The following RBFOX1 variants were observed in gnomAD, a reference collection of about 807,000 sequenced individuals.
The protein encoded by RBFOX1 is RNA binding fox-1 homolog 1.
A neutral mutation model predicts 57.7 loss-of-function variants in RBFOX1; 8 were observed. That is an observed-to-expected ratio of 0.14 (90% CI 0.08 to 0.25). The LOEUF (loss-of-function observed/expected upper bound fraction) is 0.25. RBFOX1 is among the 10% of genes least tolerant of loss of function. RBFOX1 has a pLI of 1.00. For synonymous variants in RBFOX1, 326 were observed against 222.4 expected, an observed-to-expected ratio of 1.47 and a Z score of -4.15; for missense variants, 611 against 548.5, an observed-to-expected ratio of 1.11 and a Z score of -1.14.
At chr16:7,270,976 A>G (rs928127184) in intron 4 of RBFOX1, among the ~76,000 whole-genome samples, 22 of 152,174 alleles carry the variant, frequency 1.4e-4, no homozygotes, top group African/African-American at 5.3e-4. Flanking sequence ...CATTTGGAAG[A>G]CACACATGTG....
At chr16:7,002,927 G>A (rs1028839085) in intron 3 of RBFOX1, among the ~76,000 whole-genome samples, 1 of 151,866 alleles carries the variant, frequency 6.6e-6, no homozygotes, top group Non-Finnish European at 1.5e-5. Context: ...AACTTAGGAA[G>A]TTAGAAAGTG....
intron 1 of RBFOX1, among the ~76,000 whole-genome samples, chr16:5,335,785 C>T (rs186403026): frequency 1.4e-4 from 22 of 152,220 alleles, no homozygotes; most frequent in Non-Finnish European, 8.8e-5. Context: ...CCTGGTACCT[C>T]GTGGGTGTTC....
intron 2 of RBFOX1, among the ~76,000 whole-genome samples, chr16:6,498,921 A>C (rs1379521318): frequency 6.6e-6 from 1 of 152,212 alleles, no homozygotes; most frequent in African/African-American, 2.4e-5. Flanking sequence ...TTATACGGCA[A>C]GTAGCAGTAT....
chr16:6,903,482 T>G (rs1310296905), intron 3 of RBFOX1, among the ~76,000 whole-genome samples: 1 of 152,200 alleles, frequency 6.6e-6, no homozygotes, highest in Non-Finnish European at 1.5e-5. Context: ...GTGTCTAGTG[T>G]TCAGCAAGTG....
chr16:6,139,840 T>G (rs28406559), intron 1 of RBFOX1, among the ~76,000 whole-genome samples: 4,679 of 151,722 alleles, frequency 0.031, 257 homozygotes, highest in African/African-American at 0.11. Flanking sequence ...TGATTCTCCC[T>G]TCTCAGGAGG....
intron 4 of RBFOX1, among the ~76,000 whole-genome samples, chr16:7,185,087 A>C (rs182908354): frequency 2.2e-4 from 34 of 152,312 alleles, no homozygotes; most frequent in Admixed American, 7.2e-4. Flanking sequence ...TGTCCATACA[A>C]TATATCTATT....
At chr16:7,588,898 T>G (rs1370163937) in intron 7 of RBFOX1, among the ~76,000 whole-genome samples, 3 of 152,086 alleles carry the variant, frequency 2.0e-5, no homozygotes, top group Non-Finnish European at 2.9e-5. Flanking sequence ...ATGGCCAGAG[T>G]GATGTTGTAA....
chr16:6,023,484 A>G (rs367789828), intron 1 of RBFOX1, among the ~76,000 whole-genome samples: 2 of 152,206 alleles, frequency 1.3e-5, no homozygotes. Context: ...CTGACATTTC[A>G]CCTTTCCAAA....
intron 2 of RBFOX1, among the ~76,000 whole-genome samples, chr16:6,379,245 A>G (rs977605976): frequency 2.4e-4 from 37 of 152,210 alleles, no homozygotes; most frequent in African/African-American, 8.9e-4. Context: ...AGAATTCATC[A>G]GAGAGGCAAT....
intron 2 of RBFOX1, among the ~76,000 whole-genome samples, chr16:5,517,609 C>G (rs1347599922): frequency 1.3e-5 from 2 of 152,136 alleles, no homozygotes; most frequent in Non-Finnish European, 2.9e-5. Flanking sequence ...GGTGAGTTTC[C>G]TAAGATGTGT....
At chr16:7,663,504 CGT>C (rs57358282) in intron 12 of RBFOX1, among the ~76,000 whole-genome samples, 2,789 of 148,426 alleles carry the variant, frequency 0.019, 45 homozygotes, top group African/African-American at 0.045. Context: ...GTCAGTACAG[CGT>C]GTGTGTGTGT....
intron 1 of RBFOX1, among the ~76,000 whole-genome samples, chr16:5,330,475 T>C (rs1013091439): frequency 6.6e-6 from 1 of 152,152 alleles, no homozygotes; most frequent in South Asian, 2.1e-4. Context: ...TGACCTCGGC[T>C]CACTGCATCC....
At chr16:5,820,765 C>G (rs2055820033) in intron 3 of RBFOX1, among the ~76,000 whole-genome samples, 1 of 152,182 alleles carries the variant, frequency 6.6e-6, no homozygotes, top group Admixed American at 6.5e-5. Context: ...CTCTCCCAGC[C>G]TCACAGGGGT....
chr16:7,576,684 T>G (rs947587458), intron 5 of RBFOX1, among the ~76,000 whole-genome samples: 1 of 152,242 alleles, frequency 6.6e-6, no homozygotes, highest in Non-Finnish European at 1.5e-5. Context: ...AATTTTCACA[T>G]GAGCGGTATA....
At chr16:7,476,747 G>A (rs78821122) in intron 4 of RBFOX1, among the ~76,000 whole-genome samples, 1,733 of 152,242 alleles carry the variant, frequency 0.011, 32 homozygotes, top group African/African-American at 0.039. Flanking sequence ...TTGCAAATCT[G>A]TACCACGAGA....
At chr16:6,025,037 T>C (rs1303229866) in intron 1 of RBFOX1, among the ~76,000 whole-genome samples, 1 of 152,180 alleles carries the variant, frequency 6.6e-6, no homozygotes, top group Non-Finnish European at 1.5e-5. Context: ...CCTTGTGGCC[T>C]GGGAAGGGAC....
intron 3 of RBFOX1, among the ~76,000 whole-genome samples, chr16:6,954,244 G>A (rs986959911): frequency 2.7e-4 from 39 of 146,532 alleles, no homozygotes; most frequent in Admixed American, 2.5e-3. Flanking sequence ...TTTTGAAGGT[G>A]CTATGTAATA....
chr16:5,253,778 C>T (rs561396445), intron 1 of RBFOX1, among the ~76,000 whole-genome samples: 4 of 152,352 alleles, frequency 2.6e-5, no homozygotes, highest in African/African-American at 7.2e-5. Flanking sequence ...CAGGCTCTTG[C>T]ACTTCCTTTG....
intron 3 of RBFOX1, among the ~76,000 whole-genome samples, chr16:7,007,973 C>G (rs774368850): frequency 6.6e-6 from 1 of 152,130 alleles, no homozygotes; most frequent in African/African-American, 2.4e-5. Flanking sequence ...CAACAGATTT[C>G]AGAAATGGTA....
Sources: allele counts gnomAD v4.1 joint callset (sites outside exome capture counted in the v4.1 genomes callset), GRCh38; gene constraint gnomAD v4.1.1; transcripts MANE v1.5; gene names NCBI Gene and HGNC (gene_info 2026-07-23, HGNC 2026-07-21).